The following HDC variants were observed in gnomAD, a reference collection of about 807,000 sequenced individuals.
The protein encoded by HDC is histidine decarboxylase.
Under a neutral mutation model 64.4 loss-of-function variants are expected in HDC, and 27 were observed. That is an observed-to-expected ratio of 0.42 (90% confidence interval 0.31 to 0.58). HDC has a LOEUF of 0.58. Ranked by LOEUF, HDC falls within the 20% of genes least tolerant of loss-of-function variation. The pLI, the probability that HDC is intolerant of heterozygous loss-of-function variation, is 0.16. For synonymous variants in HDC, 305 were observed against 314.2 expected (o/e 0.97, Z 0.31); for missense variants, 711 against 833.9 (o/e 0.85, Z 1.81).
In HDC at chr15:50,257,567, T is replaced by A. The variant is rs1338868856; in HGVS notation, c.319-20A>T. On this transcript the variant is annotated intron_variant, in intron 3 of 11. Transcript: ENST00000267845. Reference sequence around the variant, plus strand: ...GGATGCCTGAGAAAGGAAAAGGAACTTCAAACTGCACAGCCCCAGGGCACT... The same window carrying A: ...GGATGCCTGAGAAAGGAAAAGGAACATCAAACTGCACAGCCCCAGGGCACT... 6 of 1,613,644 alleles carry A rather than the reference T, an allele frequency of 3.7e-6. No homozygotes were observed. In the South Asian group the frequency reaches 6.6e-5, roughly 18 times the overall value.
In HDC at chr15:50,263,351, C is replaced by G; in HGVS notation, c.88G>C (p.Val30Leu). The change falls in exon 2 of 12, where the codon GTG becomes CTG. Residue 30 changes from valine (V) to leucine (L), a missense_variant. Physicochemically the swap from Val to Leu is conservative, Grantham distance 32. Coordinates refer to ENST00000267845, the MANE Select transcript of HDC (RefSeq NM_002112.4). Reference sequence around the variant, plus strand: ...TAGCCAGGCTGCACGTCTGGCGTCACACGTCTCTCCCGCACAGTGCTCAGG... The same window carrying G: ...TAGCCAGGCTGCACGTCTGGCGTCAGACGTCTCTCCCGCACAGTGCTCAGG... Reference protein sequence around the residue: ...QYLSTVRERRVTPDVQPGYLR... With the variant: ...QYLSTVRERRLTPDVQPGYLR... The G allele has an allele frequency of 6.2e-7, 1 of 1,614,180 alleles. No individual in the cohort carries two copies. Among genetic ancestry groups the G allele is most frequent in the Non-Finnish European group, 8.5e-7 (1 of 1,180,002 alleles).
In HDC at chr15:50,265,597, C is replaced by T; in HGVS notation, c.27G>A (p.Glu9=). MMEPEEYR[E]RGREMVDYIC... is the part of the protein sequence containing the mutation. ...CCAGGGATGCCCGTTGCTCACCTCT[C>T]TCTCTGTACTCCTCAGGCTCCATCA... Residue 9 remains glutamate, a synonymous_variant, in exon 1 of 12, where the codon GAG becomes GAA. Transcript: ENST00000267845. 1 of 1,613,886 alleles carries T rather than the reference C, an allele frequency of 6.2e-7. No individual in the cohort carries two copies. Among genetic ancestry groups the T allele is most frequent in the Non-Finnish European group, 8.5e-7 (1 of 1,179,780 alleles).
intron 1 of HDC, 26 bp downstream of exon 1, chr15:50,265,567 G>A: frequency 6.2e-7 from 1 of 1,610,982 alleles, no homozygotes; most frequent in South Asian, 1.1e-5. Context: ...CAGCAGGGAA[G>A]AGGGCCAGGG....
intron 3 of HDC, 54 bp from the exon 4 acceptor site, chr15:50,257,601 C>T (rs1253567650): frequency 6.2e-7 from 1 of 1,606,002 alleles, no homozygotes. Context: ...CTGAGGTGCC[C>T]CCACGAGCTC....
chr15:50,252,870 T>C (rs1282112895), intron 7 of HDC, 96 bp from the exon 8 acceptor site: 2 of 1,290,828 alleles, frequency 1.5e-6, no homozygotes, highest in East Asian at 2.5e-5. Context: ...GCAAGGATGA[T>C]GTGCTTTGGC....
chr15:50,257,918 C>T (rs2045653919), intron 3 of HDC, among the ~76,000 whole-genome samples: 1 of 148,250 alleles, frequency 6.7e-6, no homozygotes, highest in Non-Finnish European at 1.5e-5. Context: ...ACCCACACAC[C>T]CATAGGAGTT....
chr15:50,244,811 C>T (rs991022020), intron 10 of HDC: 3 of 152,370 alleles, frequency 2.0e-5, no homozygotes, highest in African/African-American at 7.2e-5. Flanking sequence ...AGTGCGGACA[C>T]TCAATTGGCA....
In HDC at chr15:50,257,496, C is replaced by A. The variant is rs1317457539; in HGVS notation, c.370G>T (p.Ala124Ser). The stretch of plus-strand genomic sequence containing the variant: ...TGCTCTGGAAGTCCCAGCATTTTTG[C>A]CAACCAGTCCATGACGTTCATCTCC... ...ELEMNVMDWL[A>S]KMLGLPEHFL... Residue 124 changes from alanine (A) to serine (S), a missense_variant, in exon 4 of 12, where the codon GCA becomes TCA. Ala to Ser is a moderately conservative substitution (Grantham distance 99). Coordinates refer to ENST00000267845, the MANE Select transcript of HDC (RefSeq NM_002112.4). 7.4e-6 allele frequency: 12 copies of A among 1,614,072 alleles called. No individual in the cohort carries two copies. The highest frequency in any genetic ancestry group is 9.3e-6 in the Non-Finnish European group (11 of 1,180,034).
Position 50,265,610 on chromosome 15 carries a change from T to C in HDC, c.14A>G (p.Glu5Gly). Residue 5 changes from glutamate to glycine, a missense_variant, in exon 1 of 12, where the codon GAG (glutamate) becomes GGG (glycine). Transcript: ENST00000267845. MMEPEEYRERGREMV... is the reference protein window; with the variant it reads MMEPGEYRERGREMV... Reference sequence around the variant, plus strand: ...TTGCTCACCTCTCTCTCTGTACTCCTCAGGCTCCATCATCTCCCTTGGGCT... The same window carrying C: ...TTGCTCACCTCTCTCTCTGTACTCCCCAGGCTCCATCATCTCCCTTGGGCT... 1 of 1,613,914 alleles carries C rather than the reference T, an allele frequency of 6.2e-7. No homozygotes were observed. The highest frequency in any genetic ancestry group is 8.5e-7 in the Non-Finnish European group (1 of 1,179,818).
In HDC at chr15:50,254,163, C is replaced by T. The variant is rs1193949218; in HGVS notation, c.687G>A (p.Glu229=). Residue 229 remains glutamate (E), a synonymous_variant, in exon 6 of 12, where the codon GAG becomes GAA. Transcript: ENST00000267845. ...LRGEALQKAI[E]EDKQRGLVPV... is the part of the protein sequence containing the mutation. ...GCACCAAGCCCCGCTGCTTGTCTTC[C>T]TCGATGGCCTTCTGAAGAGCTTCCC... The T allele has an allele frequency of 4.3e-6, 7 of 1,614,102 alleles. No homozygotes were observed. In the East Asian group the frequency reaches 1.6e-4, roughly 36 times the overall value.
chr15:50,242,350 G>T lies in HDC; in HGVS notation c.1899C>A (p.Leu633=). Residue 633 remains leucine (L), a synonymous_variant, in exon 12 of 12, where the codon CTC becomes CTA. Transcript: ENST00000267845. ...MMLKKSAFKK[L]IKFYSVPSFP... ...AGCTGGGGACGCTGTAGAATTTGAT[G>T]AGTTTTTTGAAGGCACTTTTCTTCA... 1 of 1,614,128 alleles carries T rather than the reference G, an allele frequency of 6.2e-7. No individual in the cohort carries two copies. Among genetic ancestry groups the T allele is most frequent in the Non-Finnish European group, 8.5e-7 (1 of 1,180,018 alleles).
At chr15:50,245,425 TGAC>T (rs1176579584) in intron 10 of HDC, among the ~76,000 whole-genome samples, 2 of 152,070 alleles carry the variant, frequency 1.3e-5, no homozygotes, top group Non-Finnish European at 2.9e-5. Context: ...GTGATGATGA[TGAC>T]AATTTATTAT....
chr15:50,248,397 C>G lies in HDC; in HGVS notation c.1042-54G>C. 7.8e-7 allele frequency: 1 copy of G among 1,281,750 alleles called. No individual in the cohort carries two copies. The highest frequency in any genetic ancestry group is 1.1e-6 in the Non-Finnish European group (1 of 882,466). The allele number at this position is 1,281,750 out of a possible 1,614,324, so 79.4% of individuals were successfully genotyped here. ...GTTAGAGACAAGGGTGCCCCACTCC[C>G]TCGGGCATTTCTGGGCATTATCTGT... On this transcript the variant is annotated intron_variant, in intron 9 of 11. Coordinates refer to ENST00000267845, the MANE Select transcript of HDC (RefSeq NM_002112.4). The surrounding 1 kb of genome is among the most constrained non-coding windows in gnomAD (Gnocchi z 4.3).
Position 50,242,506 on chromosome 15 carries a change from C to G in HDC, c.1743G>C (p.Thr581=), listed in dbSNP as rs16963485. The G allele has an allele frequency of 1.9e-6, 3 of 1,614,030 alleles. No homozygotes were observed. The highest frequency in any genetic ancestry group is 2.7e-5 in the African/African-American group (2 of 74,926). The change falls in exon 12 of 12, where the codon ACG becomes ACC. Residue 581 remains threonine, a synonymous_variant. Transcript: ENST00000267845. The part of the protein sequence containing the change: ...SYLSVQTKKK[T]VRSLSCNSVP... ...CACTGTTGCAACTGAGGGAGCGCAC[C>G]GTCTTCTTCTTAGTCTGCACAGACA...
chr15:50,261,551 C>T (rs1334779526), intron 2 of HDC, among the ~76,000 whole-genome samples: 1 of 146,068 alleles, frequency 6.8e-6, no homozygotes, highest in African/African-American at 2.5e-5. Context: ...AAGGCCGAGG[C>T]AGGAGGATCA....
rs1480255442 is a variant in HDC, at chr15:50,252,621, G to A, written c.941C>T (p.Thr314Ile). The change falls in exon 8 of 12, where the codon ACT becomes ATT. Residue 314 changes from threonine (T) to isoleucine (I), a missense_variant. Thr to Ile is a moderately conservative substitution (Grantham distance 89). Around this residue, in one of 3 missense-constraint regions of HDC, gnomAD observed 483 missense variants for 540.9 expected, o/e 0.89. Transcript: ENST00000267845. ...GGGCTGCTACACTCACCAGAACCCA[G>A]TACAGTCAAAATGCACCATCATCCA... Reference protein sequence around the residue: ...SKWMMVHFDCTGFWVKDKYKL... With the variant: ...SKWMMVHFDCIGFWVKDKYKL... The A allele has an allele frequency of 2.5e-6, 4 of 1,614,150 alleles. No individual in the cohort carries two copies. Among genetic ancestry groups the A allele is most frequent in the Non-Finnish European group, 3.4e-6 (4 of 1,180,032 alleles).
chr15:50,252,806 G>A (rs1271200423), intron 7 of HDC, 32 bp from the exon 8 acceptor site: 3 of 1,591,262 alleles, frequency 1.9e-6, no homozygotes, highest in Non-Finnish European at 2.6e-6. Flanking sequence ...GGCCGGAGGG[G>A]AGGTATGAAG....
At chr15:50,251,553 T>C (rs1352547826) in intron 9 of HDC, among the ~76,000 whole-genome samples, 2 of 152,176 alleles carry the variant, frequency 1.3e-5, no homozygotes, top group Admixed American at 6.5e-5. Context: ...GTGTAATACA[T>C]TCGTTTACAT....
At position 50,256,230 on chromosome 15, in the gene HDC, C is replaced by T. The variant is rs144119345; in HGVS notation, c.441+1195G>A. 3.9e-5 allele frequency among the ~76,000 whole-genome samples: 6 copies of T among 152,292 alleles called. No homozygotes were observed. The East Asian group carries it at 7.7e-4, about 20-fold the overall frequency. ...CCAAATATGATATCTGAAGTTGTAA[C>T]TATTTGCTGACAATCCAAAATGTCC... On this transcript the variant is annotated intron_variant, in intron 4 of 11. Coordinates refer to ENST00000267845, the MANE Select transcript of HDC (RefSeq NM_002112.4).
Sources: gnomAD v4.1 joint callset for allele counts (sites outside exome capture counted in the v4.1 genomes callset) on GRCh38, gnomAD v4.1.1 for gene constraint, gnomAD v4.1.1 regional missense constraint, Gnocchi (gnomAD v3.1) non-coding constraint, MANE v1.5 for transcripts, NCBI Gene and HGNC (gene_info 2026-07-23, HGNC 2026-07-21) for gene names.